Variants in NIPAL2 observed in about 807,000 individuals in gnomAD.
NIPAL2 encodes the protein NIPA-like protein 2.
Under a neutral mutation model 48.9 loss-of-function variants are expected in NIPAL2, and 43 were observed. That is an observed-to-expected ratio of 0.88 (90% confidence interval 0.69 to 1.13). The LOEUF is 1.13. Among genes scored for constraint, NIPAL2 ranks in the 50% most tolerant of loss-of-function variants. The probability of loss-of-function intolerance (pLI) is 0.00; values close to 1 mark genes in which losing one functional copy is unlikely to be tolerated. For synonymous variants in NIPAL2, 167 were observed against 174.6 expected (o/e 0.96, Z 0.34); for missense variants, 446 against 461.4 (o/e 0.97, Z 0.31).
chr8:98,207,979 A>G (rs532236974), intron 6 of NIPAL2, among the ~76,000 whole-genome samples: 36 of 152,154 alleles, frequency 2.4e-4, no homozygotes, highest in Non-Finnish European at 5.3e-4. Flanking sequence ...ATATTCTTGA[A>G]CGTAAGTCTT....
intron 4 of NIPAL2, among the ~76,000 whole-genome samples, chr8:98,223,874 A>C (rs772621793): frequency 2.6e-5 from 4 of 152,228 alleles, no homozygotes; most frequent in Non-Finnish European, 5.9e-5. Flanking sequence ...AAAACCATAT[A>C]TAAGAACTTG....
intron 5 of NIPAL2, among the ~76,000 whole-genome samples, chr8:98,219,751 C>A (rs1420373888): frequency 6.6e-6 from 1 of 152,174 alleles, no homozygotes; most frequent in African/African-American, 2.4e-5. Context: ...CCCTGCTGTT[C>A]ATCATCAACA....
intron 1 of NIPAL2, among the ~76,000 whole-genome samples, chr8:98,259,475 G>C (rs1046124803): frequency 2.0e-5 from 3 of 152,142 alleles, no homozygotes; most frequent in Non-Finnish European, 4.4e-5. Flanking sequence ...TATCAGACAA[G>C]TTATTTGAAA....
At chr8:98,236,021 CCT>C in intron 4 of NIPAL2, 132 bp downstream of exon 4, 2 of 602,464 alleles carry the variant, frequency 3.3e-6, no homozygotes, top group Non-Finnish European at 5.9e-6. Flanking sequence ...CAGAATAATG[CCT>C]GACTCTAAAT....
rs76055550 is a variant in NIPAL2 at position 98,268,080 on chromosome 8, T to C, written c.136-13993A>G. On this transcript the variant is annotated intron_variant, in intron 1 of 10. Coordinates refer to ENST00000430223, the MANE Select transcript of NIPAL2 (RefSeq NM_001321635.2). ...CTGTACCTGAGTGAATCACATGTTT[T>C]TAAATTAGTGAGCAGAAACAAGTGG... Among the ~76,000 whole-genome samples, 633 of 152,294 alleles carry C rather than the reference T, an allele frequency of 4.2e-3. 14 individuals carry two copies. The East Asian group carries it at 0.055, about 13-fold the overall frequency.
intron 1 of NIPAL2, among the ~76,000 whole-genome samples, chr8:98,283,609 G>A (rs1486456589): frequency 2.0e-5 from 3 of 152,154 alleles, no homozygotes. Flanking sequence ...AAAGAAGCAG[G>A]ATTGCAGGCC....
chr8:98,280,102 G>A (rs1417836870), intron 1 of NIPAL2, among the ~76,000 whole-genome samples: 1 of 152,214 alleles, frequency 6.6e-6, no homozygotes, highest in Admixed American at 6.5e-5. Context: ...GTAATCCATT[G>A]TGGAGCGAAA....
In NIPAL2 at chr8:98,202,308, A is replaced by G. The variant is rs917156519; in HGVS notation, c.880+800T>C. On this transcript the variant is annotated intron_variant, in intron 8 of 10. Coordinates refer to ENST00000430223, the MANE Select transcript of NIPAL2 (RefSeq NM_001321635.2). The stretch of plus-strand genomic sequence containing the variant: ...GGGCATATAGGGAAGAGTTAGTAGA[A>G]TTGGGCATGTATGGCCCAGAGACAA... Among the ~76,000 whole-genome samples the G allele has an allele frequency of 3.3e-5, 5 of 152,324 alleles. No individual in the cohort carries two copies. In the East Asian group the frequency reaches 9.6e-4, roughly 29 times the overall value.
chr8:98,232,833 T>C (rs12550708), intron 4 of NIPAL2, among the ~76,000 whole-genome samples: 106,032 of 152,122 alleles, frequency 0.7, 37,346 homozygotes, highest in South Asian at 0.78. Context: ...GCAGGTTACT[T>C]AACCTTGCTA....
At chr8:98,254,456 G>T (rs1159161352) in intron 1 of NIPAL2, among the ~76,000 whole-genome samples, 1 of 152,096 alleles carries the variant, frequency 6.6e-6, no homozygotes, top group African/African-American at 2.4e-5. Context: ...ATGAAAGAAA[G>T]ATCATCGGAC....
At position 98,222,489 on chromosome 8, in the gene NIPAL2, A is replaced by G; in HGVS notation, c.548T>C (p.Leu183Pro). Residue 183 changes from leucine to proline, a missense_variant, in exon 5 of 11, where the codon CTG (leucine) becomes CCG (proline). Coordinates refer to ENST00000430223, the MANE Select transcript of NIPAL2 (RefSeq NM_001321635.2). ...ATTTAGAATTCTTACCACATAGATC[A>G]GGAACTGCCATCCGACAAGGTAATA... ...VQYYLVGWQF[L>P]IYVILEILIF... 6.2e-7 allele frequency: 1 copy of G among 1,613,528 alleles called. No individual in the cohort carries two copies. Among genetic ancestry groups the G allele is most frequent in the Non-Finnish European group, 8.5e-7 (1 of 1,179,848 alleles).
At chr8:98,222,962 G>A (rs543733802) in intron 4 of NIPAL2, among the ~76,000 whole-genome samples, 1 of 152,194 alleles carries the variant, frequency 6.6e-6, no homozygotes, top group Admixed American at 6.5e-5. Context: ...GTCAGTAAGT[G>A]CATGATGGAT....
At chr8:98,230,251 A>T (rs1185286100) in intron 4 of NIPAL2, among the ~76,000 whole-genome samples, 1 of 152,142 alleles carries the variant, frequency 6.6e-6, no homozygotes. Context: ...CAGCATCCTC[A>T]TTGGGGATTA....
At chr8:98,207,676 C>G (rs994697659) in intron 6 of NIPAL2, among the ~76,000 whole-genome samples, 50 of 152,100 alleles carry the variant, frequency 3.3e-4, no homozygotes, top group African/African-American at 1.2e-3. Context: ...ATTAAAATTG[C>G]CTGTAGTTTC....
chr8:98,215,354 A>AT (rs1811521808), intron 5 of NIPAL2, among the ~76,000 whole-genome samples: 2 of 152,176 alleles, frequency 1.3e-5, no homozygotes, highest in Admixed American at 1.3e-4. Flanking sequence ...ATTAATGCTG[A>AT]TTTTTTTCTA....
chr8:98,206,151 C>G (rs574225684), intron 6 of NIPAL2, among the ~76,000 whole-genome samples: 1 of 152,216 alleles, frequency 6.6e-6, no homozygotes, highest in East Asian at 1.9e-4. Context: ...TTAGCTAAAA[C>G]TCACTGAAAG....
At chr8:98,252,268 G>A (rs1813630903) in intron 3 of NIPAL2, 195 bp downstream of exon 3, 1 of 536,000 alleles carries the variant, frequency 1.9e-6, no homozygotes, top group East Asian at 3.1e-5. Flanking sequence ...GTCACAAAAT[G>A]CAAGTTTCTT....
intron 3 of NIPAL2, among the ~76,000 whole-genome samples, chr8:98,240,422 T>C (rs1363105032): frequency 1.3e-5 from 2 of 152,198 alleles, no homozygotes; most frequent in Non-Finnish European, 2.9e-5. Flanking sequence ...TCAGACAGGC[T>C]ATTTTCCCAG....
intron 3 of NIPAL2, among the ~76,000 whole-genome samples, chr8:98,246,284 A>T (rs1324337223): frequency 6.6e-6 from 1 of 152,230 alleles, no homozygotes; most frequent in Non-Finnish European, 1.5e-5. Flanking sequence ...AGCACCACAG[A>T]AATACACAAA....
Sources: allele counts gnomAD v4.1 joint callset (sites outside exome capture counted in the v4.1 genomes callset), GRCh38; gene constraint gnomAD v4.1.1; transcripts MANE v1.5; gene names NCBI Gene and HGNC (gene_info 2026-07-23, HGNC 2026-07-21).